The following ANKRD31 variants were observed in gnomAD, a reference collection of about 807,000 sequenced individuals.
ANKRD31 encodes the protein ankyrin repeat domain 31.
ANKRD31 carries 147 observed loss-of-function variants against 186.0 expected under a neutral mutation model. The observed-to-expected ratio is 0.79, with a 90% CI of 0.69 to 0.91. The LOEUF (loss-of-function observed/expected upper bound fraction) is 0.91, where lower values mean the gene tolerates loss of function less well. ANKRD31 is among the 40% of genes least tolerant of loss of function. The probability of loss-of-function intolerance (pLI) is 0.00; values close to 1 mark genes in which losing one functional copy is unlikely to be tolerated. For missense variants in ANKRD31, 1,986 were observed against 2,148.8 expected, an observed-to-expected ratio of 0.92 and a Z score of 1.50; for synonymous variants, 673 against 736.4, an observed-to-expected ratio of 0.91 and a Z score of 1.39.
chr5:75,165,992 G>A (rs531235788), intron 11 of ANKRD31, among the ~76,000 whole-genome samples: 1 of 152,282 alleles, frequency 6.6e-6, no homozygotes, highest in Admixed American at 6.5e-5. Context: ...TAGGTGAAAT[G>A]ATATCGCGAG....
intron 12 of ANKRD31, among the ~76,000 whole-genome samples, chr5:75,149,807 G>C (rs1202437304): frequency 6.6e-6 from 1 of 151,840 alleles, no homozygotes; most frequent in East Asian, 1.9e-4. Flanking sequence ...TATTTTCTAA[G>C]AGCAAAAGGA....
At chr5:75,168,552 T>C (rs1010156980) in intron 11 of ANKRD31, among the ~76,000 whole-genome samples, 1 of 152,156 alleles carries the variant, frequency 6.6e-6, no homozygotes, top group African/African-American at 2.4e-5. Context: ...GGCTGATCAT[T>C]AAGCTGAACT....
At chr5:75,161,890 G>T (rs1228655656) in intron 11 of ANKRD31, among the ~76,000 whole-genome samples, 1 of 152,250 alleles carries the variant, frequency 6.6e-6, no homozygotes, top group African/African-American at 2.4e-5. Flanking sequence ...CAGAAGTCAA[G>T]AATTGGGGTT....
intron 24 of ANKRD31, among the ~76,000 whole-genome samples, chr5:75,082,602 T>C (rs1490602526): frequency 2.6e-5 from 4 of 152,228 alleles, no homozygotes; most frequent in South Asian, 2.1e-4. Flanking sequence ...CTATTCCATC[T>C]GATAAAGGGT....
At chr5:75,204,999 G>C (rs1454456286) in intron 5 of ANKRD31, among the ~76,000 whole-genome samples, 1 of 152,040 alleles carries the variant, frequency 6.6e-6, no homozygotes, top group Admixed American at 6.6e-5. Flanking sequence ...CAGCGCAGCT[G>C]AGACTATAGG....
intron 21 of ANKRD31, among the ~76,000 whole-genome samples, chr5:75,107,192 T>C (rs1747394616): frequency 6.6e-6 from 1 of 152,014 alleles, no homozygotes; most frequent in Non-Finnish European, 1.5e-5. Flanking sequence ...AAAGAAACTT[T>C]TTTAGTGTAG....
intron 17 of ANKRD31, among the ~76,000 whole-genome samples, chr5:75,130,283 T>C (rs1018074253): frequency 1.3e-5 from 2 of 152,128 alleles, no homozygotes; most frequent in Admixed American, 1.3e-4. Context: ...CTCATTAAGG[T>C]AGTGCAGACC....
intron 25 of ANKRD31, among the ~76,000 whole-genome samples, chr5:75,072,533 C>T (rs1424548071): frequency 3.3e-5 from 5 of 152,190 alleles, no homozygotes; most frequent in East Asian, 1.9e-4. Flanking sequence ...TGGAATGCTA[C>T]GGATCCAGAC....
At chr5:75,183,266 A>G (rs959566771) in intron 10 of ANKRD31, among the ~76,000 whole-genome samples, 1 of 152,224 alleles carries the variant, frequency 6.6e-6, no homozygotes, top group African/African-American at 2.4e-5. Context: ...CGTCAACACA[A>G]TAAATCCCAT....
intron 5 of ANKRD31, among the ~76,000 whole-genome samples, chr5:75,206,135 C>T (rs1185427100): frequency 1.5e-4 from 21 of 143,878 alleles, no homozygotes; most frequent in African/African-American, 3.8e-4. Flanking sequence ...CCCAACTACT[C>T]GGGAGGCTAA....
chr5:75,208,609 G>T (rs1580560856), intron 4 of ANKRD31, among the ~76,000 whole-genome samples: 1 of 152,100 alleles, frequency 6.6e-6, no homozygotes, highest in Non-Finnish European at 1.5e-5. Flanking sequence ...AGTCTCTAAG[G>T]CCAGGTGACA....
intron 5 of ANKRD31, among the ~76,000 whole-genome samples, chr5:75,201,813 T>TA (rs1002439434): frequency 6.6e-6 from 1 of 152,160 alleles, no homozygotes; most frequent in African/African-American, 2.4e-5. Context: ...TAAGTCTGTT[T>TA]AAAAAAATTT....
chr5:75,150,050 A>G (rs1751740978), intron 12 of ANKRD31, among the ~76,000 whole-genome samples: 1 of 151,684 alleles, frequency 6.6e-6, no homozygotes, highest in African/African-American at 2.4e-5. Flanking sequence ...TCCCTCTGCC[A>G]CTCTGAGTTC....
At chr5:75,120,216 G>C (rs1036411924) in intron 17 of ANKRD31, among the ~76,000 whole-genome samples, 1 of 152,022 alleles carries the variant, frequency 6.6e-6, no homozygotes, top group Admixed American at 6.6e-5. Context: ...GCAACATAGG[G>C]AGACCTCTTC....
intron 10 of ANKRD31, among the ~76,000 whole-genome samples, chr5:75,176,640 C>G (rs184666861): frequency 6.6e-6 from 1 of 152,186 alleles, no homozygotes; most frequent in African/African-American, 2.4e-5. Context: ...AGTGGACCTC[C>G]AGTAAACTCC....
At chr5:75,192,881 A>G in intron 8 of ANKRD31, 105 bp from the exon 9 acceptor site, 1 of 891,902 alleles carries the variant, frequency 1.1e-6, no homozygotes, top group South Asian at 1.7e-5. Context: ...AGGGTATTTT[A>G]CTGAGCTGTT....
intron 20 of ANKRD31, 28 bp from the exon 21 acceptor site, chr5:75,107,645 T>C: frequency 7.2e-7 from 1 of 1,382,746 alleles, no homozygotes; most frequent in Non-Finnish European, 9.7e-7. Context: ...AAAAGTTAGC[T>C]AACTGAGGGA....
chr5:75,193,615 C>CA, intron 7 of ANKRD31, 24 bp from the exon 8 acceptor site: 1 of 1,500,030 alleles, frequency 6.7e-7, no homozygotes, highest in East Asian at 2.5e-5. Context: ...AATACATCCA[C>CA]AAAAAATTAC....
rs879912996 is a variant in ANKRD31 at position 75,202,314 on chromosome 5, G to A, written c.404-2640C>T. Among the ~76,000 whole-genome samples, 8 of 152,232 alleles carry A rather than the reference G, an allele frequency of 5.3e-5. No individual in the cohort carries two copies. The Middle Eastern group carries it at 0.01, about 194-fold the overall frequency. ...TAAAAACTTAATAAAATATTTTACA[G>A]TAATTTGATTACTATATTAAAAACC... On this transcript the variant is annotated intron_variant, in intron 5 of 25. Coordinates refer to ENST00000506364, the MANE Select transcript of ANKRD31 (RefSeq NM_001372053.1).
Sources: gnomAD v4.1 joint callset for allele counts (sites outside exome capture counted in the v4.1 genomes callset) on GRCh38, gnomAD v4.1.1 for gene constraint, MANE v1.5 for transcripts, NCBI Gene and HGNC (gene_info 2026-07-23, HGNC 2026-07-21) for gene names.